TFF2: variants seen among roughly 807,000 people sequenced by gnomAD.
The protein encoded by TFF2 is spasmolysin.
TFF2 carries 19 observed loss-of-function variants against 16.0 expected under a neutral mutation model. That is an observed-to-expected ratio of 1.19 (90% CI 0.83 to 1.74). The LOEUF (loss-of-function observed/expected upper bound fraction) is 1.74. TFF2 is among the 40% of genes most tolerant of loss of function. The probability of loss-of-function intolerance (pLI) is 0.00; values close to 1 mark genes in which losing one functional copy is unlikely to be tolerated. For synonymous variants in TFF2, 61 were observed against 65.4 expected, an observed-to-expected ratio of 0.93 and a Z score of 0.32; for missense variants, 168 against 166.8, an observed-to-expected ratio of 1.01 and a Z score of -0.04.
chr21:42,349,118 T>C (rs945814996), intron 2 of TFF2, among the ~76,000 whole-genome samples: 9 of 125,744 alleles, frequency 7.2e-5, no homozygotes, highest in African/African-American at 2.8e-4. Flanking sequence ...CTAGCTCCGA[T>C]TAACCAACCT....
chr21:42,346,638 C>T, intron 3 of TFF2, 92 bp from the exon 4 acceptor site: 1 of 1,367,536 alleles, frequency 7.3e-7, no homozygotes, highest in Non-Finnish European at 1.0e-6. Flanking sequence ...ATCACTTTGC[C>T]CAGGAGCTTC....
chr21:42,347,697 C>T, intron 2 of TFF2, 65 bp from the exon 3 acceptor site: 1 of 1,579,988 alleles, frequency 6.3e-7, no homozygotes, highest in South Asian at 1.1e-5. Flanking sequence ...AAGCTCCACC[C>T]CTTCCTCCTC....
intron 3 of TFF2, among the ~76,000 whole-genome samples, chr21:42,347,043 G>A (rs1488418702): frequency 6.6e-6 from 1 of 152,228 alleles, no homozygotes; most frequent in Non-Finnish European, 1.5e-5. Context: ...GGACGTTGTG[G>A]ATGAGGTTTG....
At chr21:42,348,702 C>T (rs1177220037) in intron 2 of TFF2, among the ~76,000 whole-genome samples, 1 of 151,850 alleles carries the variant, frequency 6.6e-6, no homozygotes, top group Non-Finnish European at 1.5e-5. Context: ...CCCAGACTAA[C>T]CAACCTGGGC....
In TFF2 at chr21:42,347,481, GTTACCT is replaced by G. The variant is rs2052078265; in HGVS notation, c.375_376+4del. ...ACCAGACAGAGAGTCCCACAGCGAC[GTTACCT>G]TCCACAGACTTCGGGAAGAAGCACC... On this transcript the variant is annotated splice_donor_variant and splice_donor_region_variant and coding_sequence_variant and intron_variant, in exon 3 of 4. Transcript: ENST00000291526. LOFTEE classifies it high-confidence loss of function. 3.1e-6 allele frequency: 5 copies of G among 1,613,994 alleles called. No homozygotes were observed. The highest frequency in any genetic ancestry group is 3.4e-6 in the Non-Finnish European group (4 of 1,179,990).
At chr21:42,346,883 G>A (rs1017876721) in intron 3 of TFF2, among the ~76,000 whole-genome samples, 1 of 152,216 alleles carries the variant, frequency 6.6e-6, no homozygotes, top group African/African-American at 2.4e-5. Context: ...TCCTTCAAGG[G>A]CCAGTAGCTC....
intron 1 of TFF2, among the ~76,000 whole-genome samples, 198 bp downstream of exon 1, chr21:42,350,681 C>G (rs7282272): frequency 6.6e-6 from 1 of 152,188 alleles, no homozygotes; most frequent in Non-Finnish European, 1.5e-5. Context: ...TGACACCTGC[C>G]GTCACTCAGC....
At position 42,349,990 on chromosome 21, in the gene TFF2, C is replaced by G. The variant is rs140059138; in HGVS notation, c.120G>C (p.Thr40=). 6.2e-7 allele frequency: 1 copy of G among 1,600,194 alleles called. No homozygotes were observed. The highest frequency in any genetic ancestry group is 1.3e-5 in the African/African-American group (1 of 74,764). The stretch of plus-strand genomic sequence containing the variant: ...TGGTGATTCCAGGGAAGCCGCAGTT[C>G]GTCCTGTTATGGGGGCTCAGCCTGG... ...QCSRLSPHNR[T]NCGFPGITSD... The change falls in exon 2 of 4, where the codon ACG becomes ACC. Residue 40 remains threonine (T), a synonymous_variant. Transcript: ENST00000291526.
At chr21:42,347,698 C>T in intron 2 of TFF2, 66 bp from the exon 3 acceptor site, 1 of 1,578,458 alleles carries the variant, frequency 6.3e-7, no homozygotes, top group Non-Finnish European at 8.6e-7. Context: ...AGCTCCACCC[C>T]TTCCTCCTCT....
intron 1 of TFF2, chr21:42,350,267 C>T: frequency 9.3e-7 from 1 of 1,071,110 alleles, no homozygotes; most frequent in South Asian, 3.3e-5. Context: ...TGGCTCATAC[C>T]TATAATCCCA....
rs756553873 is a variant in TFF2, at chr21:42,347,581, G to A, written c.281C>T (p.Pro94Leu). Residue 94 changes from proline (P) to leucine (L), a missense_variant, in exon 3 of 4, where the codon CCG becomes CTG. Coordinates refer to ENST00000291526, the MANE Select transcript of TFF2 (RefSeq NM_005423.5). ...GGCGCATTCCTCGGGGCTGATGCCCGGGTAGCCACAGTTTCTTCGGTCTGA... is the reference window on the plus strand; with the variant it reads ...GGCGCATTCCTCGGGGCTGATGCCCAGGTAGCCACAGTTTCTTCGGTCTGA... ...EVSDRRNCGY[P>L]GISPEECASR... The A allele has an allele frequency of 4.3e-6, 7 of 1,614,052 alleles. No individual in the cohort carries two copies. The highest frequency in any genetic ancestry group is 3.3e-5 in the Admixed American group (2 of 60,016).
intron 3 of TFF2, 93 bp downstream of exon 3, chr21:42,347,393 C>T (rs1412714759): frequency 2.6e-6 from 4 of 1,547,500 alleles, no homozygotes; most frequent in East Asian, 2.3e-5. Context: ...ACTGAGGCTG[C>T]GAGGCAGCTC....
intron 2 of TFF2, among the ~76,000 whole-genome samples, chr21:42,348,385 C>A (rs2052086146): frequency 6.6e-6 from 1 of 152,182 alleles, no homozygotes. Flanking sequence ...TTCATTTCCC[C>A]ATGGAAGCTT....
chr21:42,348,176 A>C (rs1224331599), intron 2 of TFF2, among the ~76,000 whole-genome samples: 1 of 152,084 alleles, frequency 6.6e-6, no homozygotes, highest in African/African-American at 2.4e-5. Context: ...CCTTCTCCAG[A>C]GGACGTGCCT....
intron 2 of TFF2, among the ~76,000 whole-genome samples, chr21:42,349,583 A>T (rs1437115490): frequency 6.6e-6 from 1 of 151,530 alleles, no homozygotes; most frequent in African/African-American, 2.4e-5. Context: ...CTCCAAACTA[A>T]CCAACCTGGG....
chr21:42,348,623 G>C (rs1470435591), intron 2 of TFF2, among the ~76,000 whole-genome samples: 1 of 151,948 alleles, frequency 6.6e-6, no homozygotes. Context: ...GCTACCTCTA[G>C]ACTAGCAGTC....
chr21:42,347,580 C>T lies in TFF2; in HGVS notation c.282G>A (p.Pro94=), dbSNP rs750854274. The part of the protein sequence containing the change: ...EVSDRRNCGY[P]GISPEECASR... ...AGGCGCATTCCTCGGGGCTGATGCC[C>T]GGGTAGCCACAGTTTCTTCGGTCTG... is the stretch of plus-strand genomic sequence containing the variant. The change falls in exon 3 of 4, where the codon CCG becomes CCA. Residue 94 remains proline (P), a synonymous_variant. Coordinates refer to ENST00000291526, the MANE Select transcript of TFF2 (RefSeq NM_005423.5). 2.5e-6 allele frequency: 4 copies of T among 1,614,170 alleles called. No homozygotes were observed.
intron 3 of TFF2, among the ~76,000 whole-genome samples, 200 bp from the exon 4 acceptor site, chr21:42,346,746 A>T (rs150866195): frequency 3.3e-5 from 5 of 152,344 alleles, no homozygotes; most frequent in African/African-American, 1.2e-4. Context: ...CATTCTCCCC[A>T]GACAAGTGAA....
chr21:42,349,913 A>C lies in TFF2; in HGVS notation c.197T>G (p.Val66Gly). The C allele has an allele frequency of 6.2e-7, 1 of 1,600,776 alleles. No individual in the cohort carries two copies. The change falls in exon 2 of 4, where the codon GTC (valine) becomes GGC (glycine). Residue 66 changes from valine (V) to glycine (G), a missense_variant. Transcript: ENST00000291526. ...TGGGAGGGGGTGGAAACACCAGGGG[A>C]CCCCAGTGACACTGGAGTCGAAACA... is the stretch of plus-strand genomic sequence containing the variant. Reference protein sequence around the residue: ...GCCFDSSVTGVPWCFHPLPKQ... With the variant: ...GCCFDSSVTGGPWCFHPLPKQ...
Sources: allele counts gnomAD v4.1 joint callset (sites outside exome capture counted in the v4.1 genomes callset), GRCh38; gene constraint gnomAD v4.1.1; transcripts MANE v1.5; gene names NCBI Gene and HGNC (gene_info 2026-07-23, HGNC 2026-07-21).